The following RGS9 variants were observed in gnomAD, a reference collection of about 807,000 sequenced individuals.
RGS9 encodes the protein regulator of G-protein signalling 9.
A neutral mutation model predicts 102.0 loss-of-function variants in RGS9; 78 were observed. The ratio of observed to expected loss-of-function variants is 0.76; its 90% CI spans 0.64 to 0.92. The LOEUF is 0.92. RGS9 is among the 40% of genes least tolerant of loss of function. RGS9 has a pLI of 0.00. For synonymous variants in RGS9, 353 were observed against 318.6 expected (o/e 1.11, Z -1.15); for missense variants, 833 against 866.1 (o/e 0.96, Z 0.48).
At chr17:65,192,630 T>A (rs1373650809) in intron 11 of RGS9, among the ~76,000 whole-genome samples, 25 of 145,246 alleles carry the variant, frequency 1.7e-4, no homozygotes, top group Middle Eastern at 3.6e-3. Flanking sequence ...AAAAAAAAAG[T>A]TACGAAATTA....
At chr17:65,219,496 T>G (rs1913626767) in intron 17 of RGS9, among the ~76,000 whole-genome samples, 1 of 152,236 alleles carries the variant, frequency 6.6e-6, no homozygotes, top group Non-Finnish European at 1.5e-5. Context: ...ATCTCTATTA[T>G]GCCGTGTCCT....
chr17:65,169,646 A>G (rs897112024), intron 8 of RGS9, among the ~76,000 whole-genome samples: 7 of 152,238 alleles, frequency 4.6e-5, no homozygotes, highest in African/African-American at 1.4e-4. Flanking sequence ...ATGTGACTAC[A>G]TTCCTTGCAA....
At chr17:65,151,238 G>A (rs565261079) in intron 1 of RGS9, among the ~76,000 whole-genome samples, 5 of 152,080 alleles carry the variant, frequency 3.3e-5, no homozygotes, top group South Asian at 4.2e-4. Flanking sequence ...CCAGCTACTC[G>A]GGAGGCCGAG....
rs539004442 is a variant in RGS9 at position 65,213,628 on chromosome 17, T to C, written c.1407+3023T>C. ...ATTGTGGCTTCTACAGGGCACAGAT[T>C]GTGTCTTGTTCATCTTTGGCTCAGG... On this transcript the variant is annotated intron_variant, in intron 17 of 18. Coordinates refer to ENST00000262406, the MANE Select transcript of RGS9 (RefSeq NM_003835.4). Among the ~76,000 whole-genome samples the C allele has an allele frequency of 8.5e-5, 13 of 152,180 alleles. No homozygotes were observed. In the South Asian group the frequency reaches 2.7e-3, roughly 32 times the overall value.
At chr17:65,158,036 C>T (rs143644877) in intron 2 of RGS9, among the ~76,000 whole-genome samples, 1 of 152,124 alleles carries the variant, frequency 6.6e-6, no homozygotes, top group Non-Finnish European at 1.5e-5. Flanking sequence ...AAAGATGAAG[C>T]GTGTGTGTAT....
intron 1 of RGS9, among the ~76,000 whole-genome samples, chr17:65,145,241 C>T (rs991558721): frequency 7.9e-5 from 12 of 152,028 alleles, no homozygotes; most frequent in Non-Finnish European, 1.2e-4. Flanking sequence ...CAGGTGCCCC[C>T]CACCACGCCT....
At position 65,158,306 on chromosome 17, in the gene RGS9, C is replaced by T. The variant is rs765731304; in HGVS notation, c.166C>T (p.Leu56=). The T allele has an allele frequency of 3.7e-6, 6 of 1,614,178 alleles. No homozygotes were observed. The highest frequency in any genetic ancestry group is 3.3e-5 in the Admixed American group (2 of 60,014). ...CTCTTGTTTTTCAGGAAGTGATGTT[C>T]TGCAATGGATCGTCCAGCGGCTTTG... The part of the protein sequence containing the change: ...VPHAMTGSDV[L]QWIVQRLWIS... Residue 56 remains leucine, a synonymous_variant, in exon 3 of 19, where the codon CTG becomes TTG. Transcript: ENST00000262406.
intron 1 of RGS9, among the ~76,000 whole-genome samples, chr17:65,151,833 C>T (rs1910592996): frequency 6.6e-6 from 1 of 152,182 alleles, no homozygotes; most frequent in Non-Finnish European, 1.5e-5. Context: ...GTCATGCCTC[C>T]TTACCATCTT....
At chr17:65,205,055 G>T (rs931475512) in intron 15 of RGS9, among the ~76,000 whole-genome samples, 1 of 152,218 alleles carries the variant, frequency 6.6e-6, no homozygotes, top group African/African-American at 2.4e-5. Flanking sequence ...AAGACCCTGT[G>T]AGAATTTAGA....
chr17:65,165,274 G>C (rs187342329), intron 7 of RGS9, among the ~76,000 whole-genome samples: 1 of 152,160 alleles, frequency 6.6e-6, no homozygotes, highest in Admixed American at 6.5e-5. Context: ...ACTCAGCTGC[G>C]ATAAAGCTCT....
intron 9 of RGS9, among the ~76,000 whole-genome samples, chr17:65,184,221 A>G (rs368836631): frequency 1.4e-4 from 22 of 152,362 alleles, no homozygotes; most frequent in African/African-American, 4.8e-4. Context: ...TCGTTTTAAC[A>G]TAATGTTTCT....
At chr17:65,146,142 TC>T (rs1485005529) in intron 1 of RGS9, among the ~76,000 whole-genome samples, 2 of 152,186 alleles carry the variant, frequency 1.3e-5, no homozygotes, top group Non-Finnish European at 2.9e-5. Flanking sequence ...AACTCGGGTT[TC>T]TAACTTTTAA....
chr17:65,189,902 C>T (rs997432116), intron 10 of RGS9, among the ~76,000 whole-genome samples: 4 of 152,310 alleles, frequency 2.6e-5, no homozygotes, highest in Admixed American at 2.0e-4. Context: ...GCGTTTGTCC[C>T]CGTGTCTCAG....
chr17:65,181,172 G>A (rs1472567209), intron 9 of RGS9, among the ~76,000 whole-genome samples: 1 of 152,194 alleles, frequency 6.6e-6, no homozygotes, highest in Non-Finnish European at 1.5e-5. Flanking sequence ...CTAGTAATGC[G>A]ATTGCTGGGT....
At chr17:65,215,196 G>A (rs78697730) in intron 17 of RGS9, among the ~76,000 whole-genome samples, 1,985 of 152,210 alleles carry the variant, frequency 0.013, 43 homozygotes, top group African/African-American at 0.046. Context: ...TGGATTAGGA[G>A]GGTGGTGGTG....
intron 9 of RGS9, among the ~76,000 whole-genome samples, chr17:65,179,672 TG>T (rs1911783550): frequency 1.3e-5 from 2 of 148,268 alleles, no homozygotes; most frequent in Non-Finnish European, 3.0e-5. Context: ...TGTGTGTGTG[TG>T]TGTGTGTGTT....
chr17:65,189,340 A>G (rs1912267090), intron 10 of RGS9, 25 bp downstream of exon 10: 6 of 1,582,618 alleles, frequency 3.8e-6, no homozygotes, highest in Non-Finnish European at 5.2e-6. Flanking sequence ...ACTTCCAGTG[A>G]AGAATGGTTT....
chr17:65,166,351 T>C (rs1911179460), intron 7 of RGS9, among the ~76,000 whole-genome samples: 1 of 152,228 alleles, frequency 6.6e-6, no homozygotes, highest in South Asian at 2.1e-4. Flanking sequence ...AGGCCATCCC[T>C]GATGCTGCAT....
intron 8 of RGS9, among the ~76,000 whole-genome samples, chr17:65,176,989 C>T (rs370584358): frequency 2.2e-4 from 33 of 151,262 alleles, no homozygotes; most frequent in African/African-American, 2.7e-4. Context: ...TCCATCCATT[C>T]GTACACCATT....
Sources: gnomAD v4.1 joint callset for allele counts (sites outside exome capture counted in the v4.1 genomes callset) on GRCh38, gnomAD v4.1.1 for gene constraint, MANE v1.5 for transcripts, NCBI Gene and HGNC (gene_info 2026-07-23, HGNC 2026-07-21) for gene names.